Variants in SDCCAG8 observed in about 807,000 individuals in gnomAD.
The protein encoded by SDCCAG8 is SHH signaling and ciliogenesis regulator SDCCAG8.
Under a neutral mutation model 101.8 loss-of-function variants are expected in SDCCAG8, and 74 were observed. The observed-to-expected ratio is 0.73, with a 90% confidence interval of 0.60 to 0.88. The LOEUF (loss-of-function observed/expected upper bound fraction) is 0.88, where lower values mean the gene tolerates loss of function less well. Ranked by LOEUF, SDCCAG8 falls within the 40% of genes least tolerant of loss-of-function variation. The probability of loss-of-function intolerance (pLI) is 0.00; values close to 1 mark genes in which losing one functional copy is unlikely to be tolerated. For missense variants in SDCCAG8, 787 were observed against 822.6 expected (o/e 0.96, Z 0.53); for synonymous variants, 281 against 292.9 (o/e 0.96, Z 0.41).
chr1:243,408,967 A>G (rs898798904), intron 13 of SDCCAG8, among the ~76,000 whole-genome samples: 7 of 152,186 alleles, frequency 4.6e-5, no homozygotes, highest in East Asian at 1.9e-4. Context: ...TTATTAGTCT[A>G]TAGTCACACA....
chr1:243,377,465 G>C (rs2077664195), intron 12 of SDCCAG8, among the ~76,000 whole-genome samples: 1 of 151,896 alleles, frequency 6.6e-6, no homozygotes, highest in South Asian at 2.1e-4. Flanking sequence ...AATCTACAGT[G>C]AATGAAAATG....
At chr1:243,455,820 G>C (rs563262128) in intron 16 of SDCCAG8, among the ~76,000 whole-genome samples, 48 of 152,282 alleles carry the variant, frequency 3.2e-4, no homozygotes, top group African/African-American at 1.1e-3. Context: ...GCATATAAAC[G>C]TGATTTACTT....
intron 12 of SDCCAG8, among the ~76,000 whole-genome samples, chr1:243,362,537 T>G (rs960598720): frequency 2.6e-5 from 4 of 152,262 alleles, no homozygotes; most frequent in Admixed American, 2.6e-4. Context: ...ATGCCTACCT[T>G]ATAGGATTTT....
At chr1:243,296,149 C>T (rs550832563) in intron 6 of SDCCAG8, among the ~76,000 whole-genome samples, 3 of 152,196 alleles carry the variant, frequency 2.0e-5, no homozygotes, top group African/African-American at 7.2e-5. Flanking sequence ...TCATGTGCTA[C>T]CACACCTGGT....
intron 13 of SDCCAG8, among the ~76,000 whole-genome samples, chr1:243,387,953 T>C (rs544725371): frequency 6.6e-6 from 1 of 152,256 alleles, no homozygotes; most frequent in African/African-American, 2.4e-5. Flanking sequence ...TGACCTCTGG[T>C]GATCTGCCTG....
chr1:243,492,591 A>T, intron 17 of SDCCAG8, among the ~76,000 whole-genome samples: 1 of 134,526 alleles, frequency 7.4e-6, no homozygotes. Flanking sequence ...GGCGTGAGCC[A>T]CTGCGCCCAG....
intron 8 of SDCCAG8, among the ~76,000 whole-genome samples, chr1:243,310,177 A>C (rs1007767220): frequency 6.6e-6 from 1 of 152,036 alleles, no homozygotes; most frequent in African/African-American, 2.4e-5. Context: ...GGTAGTTTTT[A>C]TGACCTATAC....
chr1:243,267,415 G>A (rs2067706609), intron 1 of SDCCAG8: 1 of 292,546 alleles, frequency 3.4e-6, no homozygotes, highest in Non-Finnish European at 6.6e-6. Context: ...CCTGACCAAC[G>A]TGGAGAAACC....
rs750727513 is a variant in SDCCAG8, at chr1:243,489,155, G to A, written c.2112+15G>A. ...TGCGGACCCAGGTACTGTGCAGAAC[G>A]CGGCGCAGGTGGGAGTCCTTGGGCG... On this transcript the variant is annotated intron_variant, in intron 17 of 17. Transcript: ENST00000366541. The A allele has an allele frequency of 1.2e-6, 2 of 1,610,878 alleles. No homozygotes were observed. Among genetic ancestry groups the A allele is most frequent in the East Asian group, 2.2e-5 (1 of 44,850 alleles).
chr1:243,488,693 G>A (rs1665626046), intron 16 of SDCCAG8, among the ~76,000 whole-genome samples: 1 of 152,160 alleles, frequency 6.6e-6, no homozygotes, highest in African/African-American at 2.4e-5. Flanking sequence ...GAACAATGGC[G>A]GCATTTAGGC....
intron 13 of SDCCAG8, 46 bp downstream of exon 13, chr1:243,378,909 C>T: frequency 1.2e-6 from 2 of 1,612,678 alleles, no homozygotes; most frequent in Non-Finnish European, 1.7e-6. Context: ...TTTCATTCCA[C>T]TGATTTTTGC....
At chr1:243,339,549 A>G (rs1030858750) in intron 10 of SDCCAG8, among the ~76,000 whole-genome samples, 1 of 152,208 alleles carries the variant, frequency 6.6e-6, no homozygotes, top group African/African-American at 2.4e-5. Flanking sequence ...GTATGTGAAA[A>G]TTAGATTTGT....
intron 6 of SDCCAG8, among the ~76,000 whole-genome samples, chr1:243,297,288 G>T (rs2071026327): frequency 6.6e-6 from 1 of 152,142 alleles, no homozygotes; most frequent in Non-Finnish European, 1.5e-5. Flanking sequence ...ATTTTCTTTG[G>T]TGGGTCTGCT....
chr1:243,286,278 C>A lies in SDCCAG8; in HGVS notation c.427C>A (p.Leu143Ile), dbSNP rs371179612. The change falls in exon 5 of 18, where the codon CTC (leucine) becomes ATC (isoleucine). Residue 143 changes from leucine (L) to isoleucine (I), a missense_variant. Physicochemically the swap from Leu to Ile is conservative, Grantham distance 5 (BLOSUM62 2). Transcript: ENST00000366541. ...TTGGTTTTGTTTATTATAGGAGGAA[C>A]TCTCTGGAATGAAAAATAAAATACA... ...EAEVKFCKEE[L>I]SGMKNKIQVV... The A allele has an allele frequency of 1.2e-6, 2 of 1,613,768 alleles. No individual in the cohort carries two copies. Among genetic ancestry groups the A allele is most frequent in the Non-Finnish European group, 1.7e-6 (2 of 1,179,842 alleles).
intron 1 of SDCCAG8, among the ~76,000 whole-genome samples, chr1:243,264,386 G>A (rs773747621): frequency 7.9e-5 from 12 of 152,220 alleles, no homozygotes; most frequent in Admixed American, 3.3e-4. Context: ...AGGCTGAGGC[G>A]GAAGGATCAC....
intron 16 of SDCCAG8, among the ~76,000 whole-genome samples, chr1:243,478,164 C>T (rs2148215352): frequency 6.6e-6 from 1 of 152,326 alleles, no homozygotes; most frequent in Middle Eastern, 3.4e-3. Flanking sequence ...TGTTCTCTCT[C>T]TCAGGGTCCT....
chr1:243,286,391 T>C lies in SDCCAG8; in HGVS notation c.540T>C (p.Asp180=), dbSNP rs752723111. 6.2e-7 allele frequency: 1 copy of C among 1,613,980 alleles called. No individual in the cohort carries two copies. The highest frequency in any genetic ancestry group is 8.5e-7 in the Non-Finnish European group (1 of 1,179,938). The stretch of plus-strand genomic sequence containing the variant: ...CACTGAGGGAACAAACACTTCTGGA[T>C]GCATCCGTGAGCATTATTTTAAATC... ...EETLREQTLL[D]ASGNMHNSWI... is the part of the protein sequence containing the mutation. Residue 180 remains aspartate (D), a synonymous_variant, in exon 5 of 18, where the codon GAT becomes GAC. Coordinates refer to ENST00000366541, the MANE Select transcript of SDCCAG8 (RefSeq NM_006642.5).
At chr1:243,291,228 C>T (rs2070229064) in intron 5 of SDCCAG8, among the ~76,000 whole-genome samples, 1 of 152,170 alleles carries the variant, frequency 6.6e-6, no homozygotes, top group East Asian at 1.9e-4. Flanking sequence ...TATTTTAATC[C>T]TTCTTGTACA....
intron 1 of SDCCAG8, chr1:243,267,554 A>G: frequency 4.4e-6 from 2 of 449,868 alleles, no homozygotes; most frequent in Non-Finnish European, 8.2e-6. Flanking sequence ...GTGAGCCGAG[A>G]TTGCGCCATC....
Sources: gnomAD v4.1 joint callset for allele counts (sites outside exome capture counted in the v4.1 genomes callset) on GRCh38, gnomAD v4.1.1 for gene constraint, MANE v1.5 for transcripts, NCBI Gene and HGNC (gene_info 2026-07-23, HGNC 2026-07-21) for gene names.